ENKD1: variants seen among roughly 807,000 people sequenced by gnomAD.
ENKD1 encodes the protein enkurin domain-containing protein 1.
In ENKD1, 39 loss-of-function variants were observed where a neutral mutation model predicts 35.8. The ratio of observed to expected loss-of-function variants is 1.09; its 90% confidence interval spans 0.84 to 1.42. The LOEUF (loss-of-function observed/expected upper bound fraction) is 1.42, where lower values mean the gene tolerates loss of function less well. Among genes scored for constraint, ENKD1 ranks in the 40% most tolerant of loss-of-function variants. ENKD1 has a pLI of 0.00. For synonymous variants in ENKD1, 205 were observed against 198.6 expected (o/e 1.03, Z -0.27); for missense variants, 474 against 471.3 (o/e 1.01, Z -0.05).
rs761646044 is a variant in ENKD1, at chr16:67,663,251, G to GTGGC, written c.947_950dup (p.His317GlnfsTer5). 1.2e-6 allele frequency: 2 copies of GTGGC among 1,613,958 alleles called. No individual in the cohort carries two copies. The highest frequency in any genetic ancestry group is 2.2e-5 in the South Asian group (2 of 91,084). On this transcript the variant is annotated frameshift_variant, in exon 7 of 7. Coordinates refer to ENST00000243878, the MANE Select transcript of ENKD1 (RefSeq NM_032140.3). LOFTEE classifies it high-confidence loss of function. ...CCAGCTTCCGGTCCAGCTCAGCACG[G>GTGGC]TGGCTCTGGGCTCTCAGTGAGTCTG...
At position 67,663,261 on chromosome 16, in the gene ENKD1, G is replaced by A. The variant is rs758832394; in HGVS notation, c.941C>T (p.Ala314Val). 4 of 1,613,884 alleles carry A rather than the reference G, an allele frequency of 2.5e-6. No individual in the cohort carries two copies. In the East Asian group the frequency reaches 6.7e-5, roughly 27 times the overall value. Residue 314 changes from alanine (A) to valine (V), a missense_variant, in exon 7 of 7, where the codon GCC becomes GTC. By Grantham distance (64) the Ala-to-Val change is moderately conservative. Coordinates refer to ENST00000243878, the MANE Select transcript of ENKD1 (RefSeq NM_032140.3). ...LLPAGADSLR[A>V]QSHRAELDRK... ...GTCCAGCTCAGCACGGTGGCTCTGG[G>A]CTCTCAGTGAGTCTGCCCCAGCAGG...
At position 67,663,243 on chromosome 16, in the gene ENKD1, T is replaced by C. The variant is rs2053054708; in HGVS notation, c.959A>G (p.Glu320Gly). The C allele has an allele frequency of 1.2e-6, 2 of 1,613,852 alleles. No individual in the cohort carries two copies. Among genetic ancestry groups the C allele is most frequent in the Admixed American group, 3.3e-5 (2 of 60,016 alleles). Residue 320 changes from glutamate to glycine, a missense_variant, in exon 7 of 7, where the codon GAG becomes GGG. By Grantham distance (98) the Glu-to-Gly change is moderately conservative. Transcript: ENST00000243878. Reference sequence around the variant, plus strand: ...TACCTGCACCAGCTTCCGGTCCAGCTCAGCACGGTGGCTCTGGGCTCTCAG... The same window carrying C: ...TACCTGCACCAGCTTCCGGTCCAGCCCAGCACGGTGGCTCTGGGCTCTCAG... ...DSLRAQSHRA[E>G]LDRKLVQVEE... is the part of the protein sequence containing the mutation.
At chr16:67,664,286 T>G in intron 3 of ENKD1, 1 of 635,008 alleles carries the variant, frequency 1.6e-6, no homozygotes. Context: ...CTGGCCCAGC[T>G]ACCACTCTCT....
chr16:67,663,895 A>G (rs1457324385), intron 4 of ENKD1, 42 bp downstream of exon 4: 4 of 1,605,282 alleles, frequency 2.5e-6, no homozygotes, highest in Non-Finnish European at 3.4e-6. Flanking sequence ...CCACACCAGG[A>G]GCCCTGCCCA....
chr16:67,665,902 T>C (rs1175649843), intron 2 of ENKD1, among the ~76,000 whole-genome samples, 169 bp downstream of exon 2: 1 of 152,202 alleles, frequency 6.6e-6, no homozygotes, highest in Non-Finnish European at 1.5e-5. Flanking sequence ...CCTCATTCAG[T>C]TCACCTCCTT....
rs1312530406 is a variant in ENKD1, at chr16:67,666,205, A to G, written c.146T>C (p.Leu49Pro). 5 of 1,610,414 alleles carry G rather than the reference A, an allele frequency of 3.1e-6. No homozygotes were observed. Among genetic ancestry groups the G allele is most frequent in the Non-Finnish European group, 4.2e-6 (5 of 1,178,432 alleles). The change falls in exon 2 of 7, where the codon CTG becomes CCG. Residue 49 changes from leucine (L) to proline (P), a missense_variant. Leu to Pro is a moderately conservative substitution (Grantham distance 98). Transcript: ENST00000243878. ...KLDLLTSDRA[L>P]DTTAPRGPCI... ...GGGGCCACGGGGAGCGGTGGTGTCC[A>G]GGGCCCGGTCGGAAGTCAGCAAGTC...
chr16:67,666,168 G>C lies in ENKD1; in HGVS notation c.183C>G (p.Pro61=), dbSNP rs771769350. Residue 61 remains proline (P), a synonymous_variant, in exon 2 of 7, where the codon CCC becomes CCG. Transcript: ENST00000243878. ...TTAPRGPCIG[P]GAGEILERGQ... ...CGCGCTCCAGGATCTCTCCGGCACCGGGACCGATGCAGGGGCCACGGGGAG... is the reference window on the plus strand; with the variant it reads ...CGCGCTCCAGGATCTCTCCGGCACCCGGACCGATGCAGGGGCCACGGGGAG... 3 of 1,612,462 alleles carry C rather than the reference G, an allele frequency of 1.9e-6. No individual in the cohort carries two copies. Among genetic ancestry groups the C allele is most frequent in the Non-Finnish European group, 2.5e-6 (3 of 1,179,914 alleles).
In ENKD1 at chr16:67,663,421, C is replaced by T. The variant is rs1411929634; in HGVS notation, c.879G>A (p.Gln293=). 3.7e-6 allele frequency: 6 copies of T among 1,613,030 alleles called. No individual in the cohort carries two copies. In the Admixed American group the frequency reaches 5.0e-5, roughly 13 times the overall value. ...CAGCCTCCCTGCCCAGGTACTCACT[C>T]TGGAGCAGCTTGGTCAGTGTTTCCA... ...QRLETLTKLL[Q]SQSQLLRELV... is the part of the protein sequence containing the mutation. The change falls in exon 6 of 7, where the codon CAG becomes CAA. Residue 293 remains glutamine, a splice_region_variant and synonymous_variant. Coordinates refer to ENST00000243878, the MANE Select transcript of ENKD1 (RefSeq NM_032140.3).
chr16:67,663,846 G>T, intron 4 of ENKD1, 26 bp from the exon 5 acceptor site: 1 of 1,601,446 alleles, frequency 6.2e-7, no homozygotes, highest in East Asian at 2.3e-5. Context: ...AGCGTGGGTG[G>T]GGGCAGACAG....
In ENKD1 at chr16:67,663,186, T is replaced by G. The variant is rs755751410; in HGVS notation, c.1016A>C (p.Lys339Thr). 3.1e-6 allele frequency: 5 copies of G among 1,614,032 alleles called. No individual in the cohort carries two copies. Among genetic ancestry groups the G allele is most frequent in the Non-Finnish European group, 4.2e-6 (5 of 1,180,018 alleles). ...EEAIKIFSRP[K>T]VFVKMDD is the part of the protein sequence containing the mutation. The stretch of plus-strand genomic sequence containing the variant: ...TCAGTCGTCCATCTTCACGAAGACT[T>G]TGGGCCGAGAAAAGATCTTGATGGC... The change falls in exon 7 of 7, where the codon AAA becomes ACA. Residue 339 changes from lysine to threonine, a missense_variant. Transcript: ENST00000243878.
In ENKD1 at chr16:67,663,470, G is replaced by T. The variant is rs200151482; in HGVS notation, c.830C>A (p.Thr277Lys). Reference protein sequence around the residue: ...QPDPAMPPGHTRMPENQRLET... With the variant: ...QPDPAMPPGHKRMPENQRLET... ...CAGCCGCTGGTTCTCAGGCATGCGCGTGTGGCCTGGGGGCATGGCAGGGTC... is the reference window on the plus strand; with the variant it reads ...CAGCCGCTGGTTCTCAGGCATGCGCTTGTGGCCTGGGGGCATGGCAGGGTC... The change falls in exon 6 of 7, where the codon ACG becomes AAG. Residue 277 changes from threonine (T) to lysine (K), a missense_variant. Transcript: ENST00000243878. The T allele has an allele frequency of 3.6e-4, 588 of 1,613,118 alleles. No individual in the cohort carries two copies. The highest frequency in any genetic ancestry group is 4.7e-4 in the Non-Finnish European group (558 of 1,179,946).
chr16:67,666,135 G>A lies in ENKD1; in HGVS notation c.216C>T (p.Arg72=), dbSNP rs757126391. The stretch of plus-strand genomic sequence containing the variant: ...GTTGCAACAGCACGTCCCCGACGCC[G>A]CGCTGGCCGCGCTCCAGGATCTCTC... ...GAGEILERGQ[R]GVGDVLLQLE... is the part of the protein sequence containing the mutation. Residue 72 remains arginine (R), a synonymous_variant, in exon 2 of 7, where the codon CGC becomes CGT. Transcript: ENST00000243878. The A allele has an allele frequency of 3.0e-5, 49 of 1,612,682 alleles. No homozygotes were observed. Among genetic ancestry groups the A allele is most frequent in the South Asian group, 5.5e-5 (5 of 91,084 alleles).
rs767706031 is a variant in ENKD1, at chr16:67,666,411, G to A, written c.32C>T (p.Pro11Leu). ...ACAGAGCGTCGGGTCTGGGGGGATG[G>A]GCCCCGAGATGCGGGACGGGCCCTC... Reference protein sequence around the residue: MCEGPSRISGPIPPDPTLCPD... With the variant: MCEGPSRISGLIPPDPTLCPD... The change falls in exon 1 of 7, where the codon CCC becomes CTC. Residue 11 changes from proline to leucine, a missense_variant. Physicochemically the swap from Pro to Leu is moderately conservative, Grantham distance 98. Transcript: ENST00000243878. 1.9e-6 allele frequency: 3 copies of A among 1,555,728 alleles called. No homozygotes were observed. The highest frequency in any genetic ancestry group is 1.9e-5 in the Admixed American group (1 of 53,872).
At chr16:67,666,319 C>T (rs1272593418) in intron 1 of ENKD1, 39 bp downstream of exon 1, 2 of 1,592,258 alleles carry the variant, frequency 1.3e-6, no homozygotes. Flanking sequence ...CCAGGGCCGA[C>T]CCCTGAGCCT....
rs771877570 is a variant in ENKD1 at position 67,663,697 on chromosome 16, C to T, written c.703G>A (p.Glu235Lys). The part of the protein sequence containing the change: ...QVLEQQRQAQ[E>K]HYNATQKGHV... ...CCCTTCTGCGTGGCATTGTAGTGCT[C>T]CTGGGCCTGCCGCTGCTGCTCTAGC... Residue 235 changes from glutamate (E) to lysine (K), a missense_variant, in exon 5 of 7, where the codon GAG becomes AAG. Coordinates refer to ENST00000243878, the MANE Select transcript of ENKD1 (RefSeq NM_032140.3). 1.2e-6 allele frequency: 2 copies of T among 1,613,240 alleles called. No individual in the cohort carries two copies. Among genetic ancestry groups the T allele is most frequent in the South Asian group, 1.1e-5 (1 of 90,956 alleles).
chr16:67,666,650 G>A lies in ENKD1; in HGVS notation c.-208C>T. The A allele has an allele frequency of 1.9e-6, 1 of 518,898 alleles. No individual in the cohort carries two copies. The highest frequency in any genetic ancestry group is 3.3e-6 in the Non-Finnish European group (1 of 304,180). The allele number at this position is 518,898 out of a possible 1,614,324, so 32.1% of individuals were successfully genotyped here. ...ACCTCTGCTCCCAGCCCACTTCTCG[G>A]TCCCGCTCGCGGCCTCTCCCCCGCG... On this transcript the variant is annotated 5_prime_UTR_variant, in exon 1 of 7. Coordinates refer to ENST00000243878, the MANE Select transcript of ENKD1 (RefSeq NM_032140.3).
At chr16:67,666,011 T>C in intron 2 of ENKD1, 60 bp downstream of exon 2, 8 of 1,549,290 alleles carry the variant, frequency 5.2e-6, no homozygotes, top group Non-Finnish European at 7.0e-6. Context: ...GAGCAGCTGC[T>C]TTTGATCTCT....
chr16:67,665,504 G>A (rs1353419011), intron 2 of ENKD1, among the ~76,000 whole-genome samples: 1 of 152,102 alleles, frequency 6.6e-6, no homozygotes, highest in Non-Finnish European at 1.5e-5. Context: ...TGGGATTACA[G>A]ACACACTCCA....
At chr16:67,665,368 C>CATT (rs748706844) in intron 2 of ENKD1, among the ~76,000 whole-genome samples, 200 bp from the exon 3 acceptor site, 154 of 151,388 alleles carry the variant, frequency 1.0e-3, no homozygotes, top group South Asian at 3.1e-3. Flanking sequence ...TGATTTTCTC[C>CATT]ATTATTATTA....
Sources: allele counts gnomAD v4.1 joint callset (sites outside exome capture counted in the v4.1 genomes callset), GRCh38; gene constraint gnomAD v4.1.1; transcripts MANE v1.5; gene names NCBI Gene and HGNC (gene_info 2026-07-23, HGNC 2026-07-21).